The following MTHFD1L variants were observed in gnomAD, a reference collection of about 807,000 sequenced individuals.
The protein encoded by MTHFD1L is monofunctional C1-tetrahydrofolate synthase, mitochondrial.
MTHFD1L carries 81 observed loss-of-function variants against 119.5 expected under a neutral mutation model. The observed-to-expected ratio is 0.68, with a 90% CI of 0.57 to 0.82. The LOEUF (loss-of-function observed/expected upper bound fraction) is 0.82, where lower values mean the gene tolerates loss of function less well. Ranked by LOEUF, MTHFD1L falls within the 40% of genes least tolerant of loss-of-function variation. The pLI is 0.00. For missense variants in MTHFD1L, 1,125 were observed against 1,253.4 expected (o/e 0.90, Z 1.55); for synonymous variants, 430 against 475.2 (o/e 0.90, Z 1.24).
rs141031280 is a variant in MTHFD1L, at chr6:150,971,961, C to A, written c.2028C>A (p.Phe676Leu). 2 of 1,613,918 alleles carry A rather than the reference C, an allele frequency of 1.2e-6. No homozygotes were observed. The highest frequency in any genetic ancestry group is 1.3e-5 in the African/African-American group (1 of 74,894). ...CACTTCTCTAGGGGACACCTGTGTT[C>A]GTGCATGCGGGCCCTTTTGCTAACA... ...LMQTLEGTPVFVHAGPFANIA... is the reference protein window; with the variant it reads ...LMQTLEGTPVLVHAGPFANIA... Residue 676 changes from phenylalanine to leucine, a missense_variant, in exon 20 of 28, where the codon TTC (phenylalanine) becomes TTA (leucine). Phe to Leu is a conservative substitution (Grantham distance 22). This residue lies in a region of MTHFD1L where 1,058 missense variants were observed against 1,151.2 expected (regional missense o/e 0.92). Coordinates refer to ENST00000367321, the MANE Select transcript of MTHFD1L (RefSeq NM_015440.5).
chr6:151,080,138 A>G (rs1447348328), intron 26 of MTHFD1L, among the ~76,000 whole-genome samples: 1 of 152,074 alleles, frequency 6.6e-6, no homozygotes, highest in Non-Finnish European at 1.5e-5. Context: ...AGATTGCGCC[A>G]TTGCACTCCA....
chr6:150,902,101 A>G (rs1237370141), intron 7 of MTHFD1L, among the ~76,000 whole-genome samples: 2 of 152,182 alleles, frequency 1.3e-5, no homozygotes, highest in Non-Finnish European at 2.9e-5. Flanking sequence ...GTAGCGCTGT[A>G]TTTAGTTTAA....
intron 24 of MTHFD1L, among the ~76,000 whole-genome samples, chr6:151,020,971 C>A (rs1783863171): frequency 6.6e-6 from 1 of 152,170 alleles, no homozygotes; most frequent in Admixed American, 6.5e-5. Flanking sequence ...CTCAACTCTG[C>A]ATTATAGATG....
Position 151,034,540 on chromosome 6 carries a change from A to G in MTHFD1L, c.2634A>G (p.Gly878=), listed in dbSNP as rs1481853033. The change falls in exon 25 of 28, where the codon GGA becomes GGG. Residue 878 remains glycine, a synonymous_variant. Transcript: ENST00000367321. Reference sequence around the variant, plus strand: ...GGACCATTGCTCAGGCTGTCTATGGAGCCAAAGATATTGAACTCTCTCCTG... The same window carrying G: ...GGACCATTGCTCAGGCTGTCTATGGGGCCAAAGATATTGAACTCTCTCCTG... ...KIRTIAQAVY[G]AKDIELSPEA... 6.2e-7 allele frequency: 1 copy of G among 1,611,946 alleles called. No individual in the cohort carries two copies. Among genetic ancestry groups the G allele is most frequent in the Non-Finnish European group, 8.5e-7 (1 of 1,179,804 alleles).
chr6:150,944,954 A>G lies in MTHFD1L; in HGVS notation c.1548+361A>G, dbSNP rs1236486991. ...GGGATTGGACAGATGTCGTTTTAAGACTAATGTTATGTGGAGCTATTTTAG... is the reference window on the plus strand; with the variant it reads ...GGGATTGGACAGATGTCGTTTTAAGGCTAATGTTATGTGGAGCTATTTTAG... On this transcript the variant is annotated intron_variant, in intron 14 of 27. Transcript: ENST00000367321. Among the ~76,000 whole-genome samples, 5 of 152,216 alleles carry G rather than the reference A, an allele frequency of 3.3e-5. No individual in the cohort carries two copies. The South Asian group carries it at 1.0e-3, about 32-fold the overall frequency.
At chr6:150,977,929 C>T (rs1196489906) in intron 20 of MTHFD1L, among the ~76,000 whole-genome samples, 1 of 147,744 alleles carries the variant, frequency 6.8e-6, no homozygotes, top group Non-Finnish European at 1.5e-5. Flanking sequence ...GAGATGGAGT[C>T]CCACTCTGTC....
At chr6:151,000,840 T>G (rs907670260) in intron 20 of MTHFD1L, among the ~76,000 whole-genome samples, 4 of 152,250 alleles carry the variant, frequency 2.6e-5, no homozygotes, top group Non-Finnish European at 4.4e-5. Context: ...TTTAGCACTG[T>G]TTGGCAGTTA....
intron 26 of MTHFD1L, among the ~76,000 whole-genome samples, chr6:151,046,071 C>T (rs1663455237): frequency 6.6e-6 from 1 of 152,106 alleles, no homozygotes; most frequent in Non-Finnish European, 1.5e-5. Flanking sequence ...TATCTAGGTC[C>T]AATCCATTTG....
rs1782774983 is a variant in MTHFD1L, at chr6:151,014,782, T to C, written c.2308-98T>C. Reference sequence around the variant, plus strand: ...TTGGAGGAAAAAGTGAAAAAAGATGTAGCAAATCCTGCCAGAGAGGTGCTG... The same window carrying C: ...TTGGAGGAAAAAGTGAAAAAAGATGCAGCAAATCCTGCCAGAGAGGTGCTG... On this transcript the variant is annotated intron_variant, in intron 22 of 27. Coordinates refer to ENST00000367321, the MANE Select transcript of MTHFD1L (RefSeq NM_015440.5). The C allele has an allele frequency of 3.9e-6, 3 of 773,156 alleles. No homozygotes were observed. In the East Asian group the frequency reaches 8.2e-5, roughly 21 times the overall value. 47.9% of individuals were successfully genotyped at this position (773,156 alleles called of 1,614,324 possible).
intron 26 of MTHFD1L, among the ~76,000 whole-genome samples, chr6:151,037,501 C>G (rs546424710): frequency 2.0e-5 from 3 of 152,176 alleles, no homozygotes; most frequent in Non-Finnish European, 2.9e-5. Flanking sequence ...TCACACCAGA[C>G]AGGATCTGCC....
rs560403262 is a variant in MTHFD1L at position 151,072,108 on chromosome 6, C to T, written c.2848-20359C>T. On this transcript the variant is annotated intron_variant, in intron 26 of 27. Coordinates refer to ENST00000367321, the MANE Select transcript of MTHFD1L (RefSeq NM_015440.5). ...CCTCCCAAAGTGCTGAGAGTACAGG[C>T]GTGAGCCACCACGCCCGGCTAGTAC... is the stretch of plus-strand genomic sequence containing the variant. Among the ~76,000 whole-genome samples the T allele has an allele frequency of 9.9e-5, 15 of 152,170 alleles. No homozygotes were observed. In the East Asian group the frequency reaches 2.7e-3, roughly 27 times the overall value.
intron 24 of MTHFD1L, among the ~76,000 whole-genome samples, chr6:151,026,223 A>C (rs766850166): frequency 3.3e-5 from 5 of 152,224 alleles, no homozygotes; most frequent in Non-Finnish European, 7.3e-5. Context: ...CACACCTACA[A>C]AATGAATTTA....
At chr6:150,895,136 C>T (rs1016921743) in intron 7 of MTHFD1L, among the ~76,000 whole-genome samples, 1 of 152,244 alleles carries the variant, frequency 6.6e-6, no homozygotes, top group African/African-American at 2.4e-5. Context: ...GGCCCCCACA[C>T]CCAGCGTCCT....
At chr6:150,969,113 C>G (rs2129015244) in intron 19 of MTHFD1L, among the ~76,000 whole-genome samples, 1 of 152,050 alleles carries the variant, frequency 6.6e-6, no homozygotes, top group South Asian at 2.1e-4. Flanking sequence ...TCCCAAAGTG[C>G]TGGGATTACA....
At chr6:150,937,208 C>T (rs1260312695) in intron 12 of MTHFD1L, among the ~76,000 whole-genome samples, 1 of 152,148 alleles carries the variant, frequency 6.6e-6, no homozygotes, top group Non-Finnish European at 1.5e-5. Context: ...GTGCGGTCTC[C>T]CATTTCATCA....
At chr6:150,990,479 G>A (rs1160289142) in intron 20 of MTHFD1L, among the ~76,000 whole-genome samples, 1 of 151,554 alleles carries the variant, frequency 6.6e-6, no homozygotes, top group Admixed American at 6.6e-5. Context: ...ATTTTTTTGA[G>A]ACAGAGTTTC....
chr6:150,898,723 T>C, intron 7 of MTHFD1L: 1 of 265,784 alleles, frequency 3.8e-6, no homozygotes, highest in Non-Finnish European at 7.1e-6. Flanking sequence ...GTTCTAAGTC[T>C]TTGTCATGTG....
intron 17 of MTHFD1L, 123 bp from the exon 18 acceptor site, chr6:150,960,152 T>C (rs1487930817): frequency 1.6e-6 from 2 of 1,286,492 alleles, no homozygotes; most frequent in South Asian, 1.5e-5. Context: ...ATTGCATGCA[T>C]GGCCTTTTGA....
rs901007927 is a variant in MTHFD1L, at chr6:150,918,582, G to A, written c.898G>A (p.Val300Ile). 3.1e-6 allele frequency: 5 copies of A among 1,613,154 alleles called. No individual in the cohort carries two copies. The highest frequency in any genetic ancestry group is 4.2e-6 in the Non-Finnish European group (5 of 1,179,218). Residue 300 changes from valine (V) to isoleucine (I), a missense_variant, in exon 9 of 28, where the codon GTT becomes ATT. Transcript: ENST00000367321. ...NCSHDFLSGKVGCGSPRIHFG... is the reference protein window; with the variant it reads ...NCSHDFLSGKIGCGSPRIHFG... ...TTCCCTCCAATTTTTTACAGGGAAG[G>A]TTGGGTGTGGCTCTCCAAGAATACA...
Sources: gnomAD v4.1 joint callset for allele counts (sites outside exome capture counted in the v4.1 genomes callset) on GRCh38, gnomAD v4.1.1 for gene constraint, gnomAD v4.1.1 regional missense constraint, MANE v1.5 for transcripts, NCBI Gene and HGNC (gene_info 2026-07-23, HGNC 2026-07-21) for gene names.